RPA3: variants seen among roughly 807,000 people sequenced by gnomAD.
The protein encoded by RPA3 is replication protein A 14 kDa subunit.
RPA3 carries 24 observed loss-of-function variants against 13.7 expected under a neutral mutation model. The observed-to-expected ratio is 1.75, with a 90% CI of 1.27 to 2.46. The LOEUF (loss-of-function observed/expected upper bound fraction) is 2.46, where lower values mean the gene tolerates loss of function less well. Ranked by LOEUF, RPA3 falls within the 30% of genes most tolerant of loss-of-function variation. The pLI is 0.00. For synonymous variants in RPA3, 59 were observed against 51.2 expected (o/e 1.15, Z -0.65); for missense variants, 183 against 151.0 (o/e 1.21, Z -1.11).
At chr7:7,680,080 C>A (rs1480943348) in intron 4 of RPA3, among the ~76,000 whole-genome samples, 1 of 151,920 alleles carries the variant, frequency 6.6e-6, no homozygotes, top group African/African-American at 2.4e-5. Context: ...CTTTGGTTGC[C>A]TGTGCTTGTG....
At chr7:7,665,423 C>T in intron 4 of RPA3, among the ~76,000 whole-genome samples, 1 of 152,076 alleles carries the variant, frequency 6.6e-6, no homozygotes. Context: ...AAAGACTGTC[C>T]CTGTAACACA....
At chr7:7,672,502 C>A (rs938095122) in intron 4 of RPA3, among the ~76,000 whole-genome samples, 1 of 152,104 alleles carries the variant, frequency 6.6e-6, no homozygotes, top group Non-Finnish European at 1.5e-5. Flanking sequence ...TTGTCCCCAC[C>A]CAAATCTCAC....
intron 2 of RPA3, among the ~76,000 whole-genome samples, chr7:7,713,613 T>G (rs1055559668): frequency 1.3e-5 from 2 of 151,378 alleles, no homozygotes; most frequent in African/African-American, 4.8e-5. Flanking sequence ...AATTATTTCC[T>G]TTTTCATTTT....
chr7:7,656,250 G>C (rs1320687377), intron 4 of RPA3, among the ~76,000 whole-genome samples: 2 of 151,972 alleles, frequency 1.3e-5, no homozygotes, highest in South Asian at 4.2e-4. Flanking sequence ...CGAGTTGAAG[G>C]AGAAAAAAGA....
At chr7:7,677,351 A>G (rs547917731) in intron 4 of RPA3, among the ~76,000 whole-genome samples, 1 of 152,132 alleles carries the variant, frequency 6.6e-6, no homozygotes, top group African/African-American at 2.4e-5. Context: ...TATTCCTTCT[A>G]TCTAACTGTA....
intron 4 of RPA3, among the ~76,000 whole-genome samples, chr7:7,664,348 C>G (rs1018071899): frequency 2.0e-5 from 3 of 152,150 alleles, no homozygotes; most frequent in Admixed American, 2.0e-4. Flanking sequence ...TCTTCTCAGT[C>G]TCTCTAGCAT....
chr7:7,640,122 C>G, intron 5 of RPA3, 198 bp downstream of exon 5: 1 of 604,456 alleles, frequency 1.7e-6, no homozygotes, highest in Non-Finnish European at 2.9e-6. Flanking sequence ...TTTGAAAACA[C>G]TTTGTTTCCG....
At chr7:7,718,266 C>T (rs934124294) in intron 1 of RPA3, among the ~76,000 whole-genome samples, 1 of 152,096 alleles carries the variant, frequency 6.6e-6, no homozygotes, top group Non-Finnish European at 1.5e-5. Context: ...ATGTGAATTT[C>T]TTATAGTTTA....
chr7:7,665,861 G>A (rs74968318), intron 4 of RPA3, among the ~76,000 whole-genome samples: 2,643 of 148,660 alleles, frequency 0.018, 83 homozygotes, highest in African/African-American at 0.062. Flanking sequence ...GTTGTAGCAT[G>A]TATCACTATT....
intron 2 of RPA3, among the ~76,000 whole-genome samples, chr7:7,700,967 T>C (rs527586622): frequency 2.6e-5 from 4 of 152,288 alleles, no homozygotes; most frequent in Admixed American, 1.3e-4. Context: ...AGAGAATTGC[T>C]TGAGCCCAGG....
At chr7:7,672,745 A>C (rs1287471153) in intron 4 of RPA3, among the ~76,000 whole-genome samples, 5 of 152,144 alleles carry the variant, frequency 3.3e-5, no homozygotes, top group African/African-American at 1.2e-4. Context: ...GAGTCAATTA[A>C]ATCTCCTTTC....
chr7:7,640,138 TAA>T, intron 5 of RPA3, 180 bp downstream of exon 5: 1 of 643,022 alleles, frequency 1.6e-6, no homozygotes, highest in Non-Finnish European at 2.7e-6. Context: ...TTCCGTGCCA[TAA>T]AAGAGCGCCA....
intron 4 of RPA3, among the ~76,000 whole-genome samples, chr7:7,649,682 GT>G (rs1037847445): frequency 2.3e-5 from 3 of 131,690 alleles, no homozygotes; most frequent in African/African-American, 7.4e-5. Flanking sequence ...CTGTATTCTT[GT>G]TGGTGGGGGG....
chr7:7,656,963 CCT>C lies in RPA3; in HGVS notation c.-757-15790_-757-15789del, dbSNP rs541402248. 2.5e-3 allele frequency among the ~76,000 whole-genome samples: 385 copies of C among 152,336 alleles called. 1 individual carries two copies. The highest frequency in any genetic ancestry group is 8.9e-3 in the African/African-American group (369 of 41,570). Reference sequence around the variant, plus strand: ...TAAAAGCCTTCCTATTTCTACACATCCTCTCCAGCATCTGTTGTTTCCTGACT... The same window carrying C: ...TAAAAGCCTTCCTATTTCTACACATCCTCCAGCATCTGTTGTTTCCTGACT... On this transcript the variant is annotated intron_variant, in intron 4 of 7. Coordinates refer to ENST00000223129, the MANE Select transcript of RPA3 (RefSeq NM_002947.5).
At chr7:7,669,167 T>C (rs541970060) in intron 4 of RPA3, among the ~76,000 whole-genome samples, 1 of 152,072 alleles carries the variant, frequency 6.6e-6, no homozygotes, top group South Asian at 2.1e-4. Flanking sequence ...ATACTGTATA[T>C]AGGGTTTAGT....
chr7:7,700,352 G>A (rs2115152635), intron 2 of RPA3, among the ~76,000 whole-genome samples: 1 of 152,250 alleles, frequency 6.6e-6, no homozygotes, highest in African/African-American at 2.4e-5. Context: ...ACTATGAGGG[G>A]TAGGATTTCA....
chr7:7,668,969 A>G (rs530202764), intron 4 of RPA3, among the ~76,000 whole-genome samples: 2 of 152,296 alleles, frequency 1.3e-5, no homozygotes, highest in South Asian at 4.1e-4. Flanking sequence ...CACCTAATGG[A>G]CATAGCTTTG....
intron 4 of RPA3, chr7:7,673,349 C>T (rs988560337): frequency 3.1e-6 from 4 of 1,276,496 alleles, no homozygotes; most frequent in African/African-American, 1.5e-5. Flanking sequence ...GCAGCAGCAG[C>T]AGCAGCAGCA....
chr7:7,700,059 TG>T (rs1248836375), intron 2 of RPA3, among the ~76,000 whole-genome samples: 1 of 152,158 alleles, frequency 6.6e-6, no homozygotes, highest in Non-Finnish European at 1.5e-5. Flanking sequence ...CTGTGGAGGG[TG>T]TCTTAGTCAG....
Sources: gnomAD v4.1 joint callset for allele counts (sites outside exome capture counted in the v4.1 genomes callset) on GRCh38, gnomAD v4.1.1 for gene constraint, MANE v1.5 for transcripts, NCBI Gene and HGNC (gene_info 2026-07-23, HGNC 2026-07-21) for gene names.